Variants in RFX3 observed in about 807,000 individuals in gnomAD.
RFX3 encodes transcription factor RFX3.
In RFX3, 14 loss-of-function variants were observed where a neutral mutation model predicts 98.6. The observed-to-expected ratio is 0.14, with a 90% CI of 0.09 to 0.22. The LOEUF (loss-of-function observed/expected upper bound fraction) is 0.22. Among genes scored for constraint, RFX3 ranks in the 10% least tolerant of loss-of-function variants. The probability of loss-of-function intolerance (pLI) is 1.00; values close to 1 mark genes in which losing one functional copy is unlikely to be tolerated. For synonymous variants in RFX3, 383 were observed against 328.4 expected (o/e 1.17, Z -1.80); for missense variants, 639 against 926.9 (o/e 0.69, Z 4.03).
chr9:3,337,338 A>G (rs1049133742), intron 3 of RFX3, among the ~76,000 whole-genome samples: 1 of 152,256 alleles, frequency 6.6e-6, no homozygotes, highest in African/African-American at 2.4e-5. Context: ...GGCAGCCAGA[A>G]TGAGCAACTT....
At position 3,228,756 on chromosome 9, in the gene RFX3, C is replaced by T. The variant is rs1022086645; in HGVS notation, c.2011+91G>A. ...GATTTGTATGCCACTTCCACAAAATCAGAGTGTTGTAAACATATACCGTAT... is the reference window on the plus strand; with the variant it reads ...GATTTGTATGCCACTTCCACAAAATTAGAGTGTTGTAAACATATACCGTAT... On this transcript the variant is annotated intron_variant, in intron 16 of 16. Transcript: ENST00000617270. 10 of 999,708 alleles carry T rather than the reference C, an allele frequency of 1.0e-5. No individual in the cohort carries two copies. The South Asian group carries it at 1.7e-4, about 17-fold the overall frequency. 61.9% of individuals were successfully genotyped at this position (999,708 alleles called of 1,614,324 possible).
intron 2 of RFX3, among the ~76,000 whole-genome samples, chr9:3,388,848 T>A (rs1287016955): frequency 1.3e-5 from 2 of 152,132 alleles, no homozygotes; most frequent in Non-Finnish European, 2.9e-5. Flanking sequence ...CCACTATACC[T>A]CATGTGTTAC....
intron 1 of RFX3, chr9:3,420,774 C>G: frequency 1.0e-6 from 1 of 984,706 alleles, no homozygotes; most frequent in Non-Finnish European, 1.2e-6. Flanking sequence ...CTGTTCTTTC[C>G]TTTACTTCCT....
At chr9:3,431,520 C>A (rs1339929198) in intron 1 of RFX3, among the ~76,000 whole-genome samples, 7 of 152,044 alleles carry the variant, frequency 4.6e-5, no homozygotes, top group African/African-American at 4.8e-5. Flanking sequence ...GGTATGAAAA[C>A]CCCGCACTTT....
intron 2 of RFX3, among the ~76,000 whole-genome samples, chr9:3,361,437 C>T (rs1238335895): frequency 1.3e-5 from 2 of 151,922 alleles, no homozygotes; most frequent in Non-Finnish European, 2.9e-5. Flanking sequence ...ACGGGAAAAA[C>T]TGATTTTCTC....
intron 2 of RFX3, among the ~76,000 whole-genome samples, chr9:3,361,534 C>T (rs1587311977): frequency 2.0e-5 from 3 of 151,774 alleles, no homozygotes; most frequent in African/African-American, 7.3e-5. Flanking sequence ...GGCACAATGG[C>T]TCATTCTAAC....
Position 3,393,817 on chromosome 9 carries a change from G to A in RFX3, c.117+1655C>T, listed in dbSNP as rs183049914. The stretch of plus-strand genomic sequence containing the variant: ...TAAAGATGACAATAAGAGATACTGG[G>A]GACTCTAAAAGGAGAGAGGGTGGGA... On this transcript the variant is annotated intron_variant, in intron 2 of 16. Transcript: ENST00000617270. 2.0e-3 allele frequency among the ~76,000 whole-genome samples: 303 copies of A among 152,138 alleles called. 2 individuals are homozygous for A. The highest frequency in any genetic ancestry group is 7.1e-3 in the African/African-American group (295 of 41,508).
intron 4 of RFX3, among the ~76,000 whole-genome samples, chr9:3,312,124 C>A (rs921765244): frequency 6.6e-6 from 1 of 152,128 alleles, no homozygotes; most frequent in Non-Finnish European, 1.5e-5. Context: ...GTTAACTGCA[C>A]ACAGTATGGA....
rs569983628 is a variant in RFX3, at chr9:3,268,110, AT to A, written c.1358-1806del. ...CCTCTGGTTATACTTCCAATTGTAC[AT>A]TTAAGTGTTACCCATTGAGTGCTCA... On this transcript the variant is annotated intron_variant, in intron 11 of 16. Transcript: ENST00000617270. Among the ~76,000 whole-genome samples the A allele has an allele frequency of 9.9e-5, 15 of 151,966 alleles. No individual in the cohort carries two copies. The East Asian group carries it at 2.7e-3, about 27-fold the overall frequency.
At chr9:3,311,750 G>A (rs1291373370) in intron 4 of RFX3, among the ~76,000 whole-genome samples, 1 of 91,512 alleles carries the variant, frequency 1.1e-5, no homozygotes, top group Non-Finnish European at 1.9e-5. Context: ...GCTGGGTGTG[G>A]GTGGGCGCCT....
At chr9:3,275,265 T>C (rs929591943) in intron 9 of RFX3, among the ~76,000 whole-genome samples, 18 of 152,128 alleles carry the variant, frequency 1.2e-4, no homozygotes, top group African/African-American at 4.1e-4. Flanking sequence ...AAAGGATTCA[T>C]ATTAGGATAG....
At chr9:3,457,360 G>T (rs1385913611) in intron 1 of RFX3, among the ~76,000 whole-genome samples, 2 of 151,898 alleles carry the variant, frequency 1.3e-5, no homozygotes, top group Non-Finnish European at 2.9e-5. Flanking sequence ...TTAATCCTAG[G>T]ACATTAACTA....
intron 3 of RFX3, among the ~76,000 whole-genome samples, chr9:3,341,483 T>A (rs1462162301): frequency 6.6e-6 from 1 of 152,026 alleles, no homozygotes. Context: ...TATTGTAATG[T>A]GGAGAAGCAA....
chr9:3,415,696 C>T (rs2132264455), intron 1 of RFX3, among the ~76,000 whole-genome samples: 1 of 152,302 alleles, frequency 6.6e-6, no homozygotes, highest in African/African-American at 2.4e-5. Context: ...CTTCAACTTT[C>T]ACTTGTATAT....
At chr9:3,320,754 T>G (rs1831182933) in intron 4 of RFX3, among the ~76,000 whole-genome samples, 1 of 129,656 alleles carries the variant, frequency 7.7e-6, no homozygotes, top group African/African-American at 2.9e-5. Flanking sequence ...ATACATATAA[T>G]GCATGCTACA....
At chr9:3,377,722 A>G (rs988947135) in intron 2 of RFX3, among the ~76,000 whole-genome samples, 2 of 152,216 alleles carry the variant, frequency 1.3e-5, no homozygotes, top group Admixed American at 6.5e-5. Context: ...GAGGAAAGGT[A>G]CTAATAACAA....
chr9:3,420,936 A>G, intron 1 of RFX3: 2 of 984,878 alleles, frequency 2.0e-6, no homozygotes, highest in South Asian at 4.7e-5. Context: ...TCTCATCTGT[A>G]AAGTTCTGTG....
chr9:3,307,575 G>C (rs1829474219), intron 4 of RFX3, among the ~76,000 whole-genome samples: 1 of 152,160 alleles, frequency 6.6e-6, no homozygotes, highest in African/African-American at 2.4e-5. Flanking sequence ...GTCTAAGGGA[G>C]AAGGCTTGGT....
chr9:3,374,001 C>G (rs1303543987), intron 2 of RFX3, among the ~76,000 whole-genome samples: 2 of 151,966 alleles, frequency 1.3e-5, no homozygotes, highest in South Asian at 4.1e-4. Flanking sequence ...TCGCTTGAAC[C>G]CGAGAGGCAG....
Sources: allele counts gnomAD v4.1 joint callset (sites outside exome capture counted in the v4.1 genomes callset), GRCh38; gene constraint gnomAD v4.1.1; transcripts MANE v1.5; gene names NCBI Gene and HGNC (gene_info 2026-07-23, HGNC 2026-07-21).